TACC2: variants seen among roughly 807,000 people sequenced by gnomAD.
TACC2 encodes transforming acidic coiled-coil-containing protein 2.
A neutral mutation model predicts 227.3 loss-of-function variants in TACC2; 137 were observed. That is an observed-to-expected ratio of 0.60 (90% CI 0.52 to 0.69). The LOEUF (loss-of-function observed/expected upper bound fraction) is 0.69, where lower values mean the gene tolerates loss of function less well. TACC2 is among the 30% of genes least tolerant of loss of function. TACC2 has a pLI of 0.00. For synonymous variants in TACC2, 1,523 were observed against 1,487.5 expected (o/e 1.02, Z -0.55); for missense variants, 3,470 against 3,694.4 (o/e 0.94, Z 1.57).
rs766075034 is a variant in TACC2, at chr10:122,195,222, A to T, written c.5971+46A>T. The T allele has an allele frequency of 1.6e-5, 25 of 1,540,132 alleles. No homozygotes were observed. In the South Asian group the frequency reaches 2.9e-4, roughly 18 times the overall value. On this transcript the variant is annotated intron_variant, in intron 8 of 22. Coordinates refer to ENST00000369005, the MANE Select transcript of TACC2 (RefSeq NM_206862.4). ...CCCCAGACAGCCCTGTAGAGTTGTG[A>T]GCCCTGGGGGAGATTTGCAGCAGTT...
At chr10:122,123,612 C>T (rs1204144512) in intron 5 of TACC2, among the ~76,000 whole-genome samples, 1 of 152,058 alleles carries the variant, frequency 6.6e-6, no homozygotes, top group Non-Finnish European at 1.5e-5. Context: ...CATGCCCAGC[C>T]TAGAACTGGC....
At chr10:122,135,307 G>A (rs750802502) in intron 6 of TACC2, among the ~76,000 whole-genome samples, 1 of 152,160 alleles carries the variant, frequency 6.6e-6, no homozygotes, top group Non-Finnish European at 1.5e-5. Flanking sequence ...TAATGCATTA[G>A]GTAATGCAGC....
chr10:122,033,221 A>T (rs1959181249), intron 2 of TACC2: 17 of 1,097,264 alleles, frequency 1.5e-5, no homozygotes, highest in Non-Finnish European at 2.1e-5. Context: ...GATGGTTGCA[A>T]ACATTTGGTG....
chr10:122,122,154 G>A (rs1156634184), intron 5 of TACC2, among the ~76,000 whole-genome samples: 1 of 152,168 alleles, frequency 6.6e-6, no homozygotes, highest in Non-Finnish European at 1.5e-5. Context: ...AGGAGATCGA[G>A]ACCATCCTGG....
At chr10:122,237,173 A>G (rs1041525176) in intron 16 of TACC2, among the ~76,000 whole-genome samples, 4 of 152,196 alleles carry the variant, frequency 2.6e-5, no homozygotes, top group Admixed American at 2.6e-4. Flanking sequence ...GGCCTCTGCC[A>G]TTAGCCCCTT....
In TACC2 at chr10:122,180,907, C is replaced by T. The variant is rs1207419053; in HGVS notation, c.5835-14133C>T. On this transcript the variant is annotated intron_variant, in intron 7 of 22. Transcript: ENST00000369005. The surrounding 1 kb of genome is among the most constrained non-coding windows in gnomAD (Gnocchi z 4.5). Reference sequence around the variant, plus strand: ...TACAGGCACGCGCCCCCATGTCCACCTAATTTTTATATTTTTAGTAGAGAC... The same window carrying T: ...TACAGGCACGCGCCCCCATGTCCACTTAATTTTTATATTTTTAGTAGAGAC... 6.6e-6 allele frequency among the ~76,000 whole-genome samples: 1 copy of T among 152,004 alleles called. No individual in the cohort carries two copies. Among genetic ancestry groups the T allele is most frequent in the African/African-American group, 2.4e-5 (1 of 41,384 alleles).
intron 5 of TACC2, among the ~76,000 whole-genome samples, chr10:122,114,283 A>C (rs939890542): frequency 6.6e-6 from 1 of 152,178 alleles, no homozygotes; most frequent in Non-Finnish European, 1.5e-5. Context: ...TTGAGGCCAC[A>C]TTTTAAAAGC....
At chr10:122,061,750 C>A (rs2459087) in intron 3 of TACC2, among the ~76,000 whole-genome samples, 1 of 152,034 alleles carries the variant, frequency 6.6e-6, no homozygotes, top group Admixed American at 6.5e-5. Context: ...TCTAGAGAAA[C>A]GCATGCAAAT....
chr10:122,054,805 C>T (rs1056761494), intron 3 of TACC2, among the ~76,000 whole-genome samples: 12 of 152,170 alleles, frequency 7.9e-5, no homozygotes, highest in Non-Finnish European at 1.6e-4. Flanking sequence ...TGGTAATTGA[C>T]ACAAGACCAA....
At chr10:122,101,500 A>T (rs1330440936) in intron 5 of TACC2, among the ~76,000 whole-genome samples, 1 of 150,262 alleles carries the variant, frequency 6.7e-6, no homozygotes, top group Non-Finnish European at 1.5e-5. Flanking sequence ...CTGGAGGATC[A>T]CTTGAGTTCA....
chr10:122,211,255 A>G lies in TACC2; in HGVS notation c.6830A>G (p.Asp2277Gly). The G allele has an allele frequency of 4.3e-6, 7 of 1,614,104 alleles. No individual in the cohort carries two copies. Among genetic ancestry groups the G allele is most frequent in the Non-Finnish European group, 5.1e-6 (6 of 1,180,028 alleles). ...TATTCTGAGGACAAGAGTAGTTGGG[A>G]CAACCAGCAGGAAAACCCCCCTCCT... ...FDYSEDKSSW[D>G]NQQENPPPTK... Residue 2277 changes from aspartate (D) to glycine (G), a missense_variant, in exon 9 of 23, where the codon GAC (aspartate) becomes GGC (glycine). By Grantham distance (94) the Asp-to-Gly change is moderately conservative. Around this residue, in one of 10 missense-constraint regions of TACC2, gnomAD observed 593 missense variants for 636.6 expected, o/e 0.93. Coordinates refer to ENST00000369005, the MANE Select transcript of TACC2 (RefSeq NM_206862.4).
At chr10:122,111,151 C>G (rs7070921) in intron 5 of TACC2, among the ~76,000 whole-genome samples, 151,987 of 152,356 alleles carry the variant, frequency 1, 75,810 homozygotes, top group South Asian at 1. Context: ...AGCCTCCCTA[C>G]TTTAAAGTCA....
intron 8 of TACC2, among the ~76,000 whole-genome samples, chr10:122,202,880 T>C (rs1490656373): frequency 6.6e-6 from 1 of 151,000 alleles, no homozygotes; most frequent in African/African-American, 2.4e-5. Context: ...CATGCTGCCT[T>C]CAAGCATCTG....
At chr10:122,090,546 C>CAAAAAAAAAAAAAAAAA (rs1188822419) in intron 5 of TACC2, among the ~76,000 whole-genome samples, 1 of 41,078 alleles carries the variant, frequency 2.4e-5, no homozygotes, top group Non-Finnish European at 5.1e-5. Flanking sequence ...GACTCTATCT[C>CAAAAAAAAAAAAAAAAA]AAAAAAAAAA....
intron 5 of TACC2, among the ~76,000 whole-genome samples, chr10:122,123,692 C>G (rs996292960): frequency 6.6e-6 from 1 of 152,112 alleles, no homozygotes; most frequent in Non-Finnish European, 1.5e-5. Context: ...CTTTTCAAAA[C>G]TGATGTGAGC....
intron 1 of TACC2, among the ~76,000 whole-genome samples, chr10:122,019,255 G>C (rs1469972606): frequency 3.3e-5 from 5 of 152,210 alleles, no homozygotes; most frequent in Non-Finnish European, 7.3e-5. Context: ...AGCCACGCCT[G>C]GGTAAGTACA....
intron 3 of TACC2, among the ~76,000 whole-genome samples, chr10:122,061,026 G>C (rs1178108635): frequency 7.2e-6 from 1 of 138,278 alleles, no homozygotes; most frequent in African/African-American, 2.6e-5. Context: ...AAAAGGGGGG[G>C]GGGCCAGGCA....
intron 3 of TACC2, among the ~76,000 whole-genome samples, chr10:122,080,124 C>A (rs1406370758): frequency 6.6e-6 from 1 of 151,624 alleles, no homozygotes; most frequent in African/African-American, 2.4e-5. Context: ...TGAGGCCTTT[C>A]TTCCCAGCTT....
At chr10:122,131,793 G>A (rs907301593) in intron 5 of TACC2, among the ~76,000 whole-genome samples, 10 of 151,218 alleles carry the variant, frequency 6.6e-5, no homozygotes, top group East Asian at 2.0e-4. Flanking sequence ...AGGCCAAGGC[G>A]GGCAGACCAC....
Sources: allele counts gnomAD v4.1 joint callset (sites outside exome capture counted in the v4.1 genomes callset), GRCh38; gene constraint gnomAD v4.1.1; regional missense constraint gnomAD v4.1.1; non-coding constraint Gnocchi (gnomAD v3.1); transcripts MANE v1.5; gene names NCBI Gene and HGNC (gene_info 2026-07-23, HGNC 2026-07-21).